HS6ST3: variants seen among roughly 807,000 people sequenced by gnomAD.
HS6ST3 encodes the protein heparan-sulfate 6-O-sulfotransferase 3.
A neutral mutation model predicts 36.7 loss-of-function variants in HS6ST3; 12 were observed. The ratio of observed to expected loss-of-function variants is 0.33; its 90% CI spans 0.21 to 0.53. HS6ST3 has a LOEUF of 0.53. Ranked by LOEUF, HS6ST3 falls within the 20% of genes least tolerant of loss-of-function variation. The pLI, the probability that HS6ST3 is intolerant of heterozygous loss-of-function variation, is 0.95. For missense variants in HS6ST3, 584 were observed against 640.9 expected, an observed-to-expected ratio of 0.91 and a Z score of 0.96; for synonymous variants, 240 against 257.5, an observed-to-expected ratio of 0.93 and a Z score of 0.65.
intron 1 of HS6ST3, among the ~76,000 whole-genome samples, chr13:96,647,635 A>T (rs779711498): frequency 6.6e-6 from 1 of 152,078 alleles, no homozygotes; most frequent in African/African-American, 2.4e-5. Context: ...TGTCATAATA[A>T]CTTTTTTGTT....
chr13:96,362,587 T>C (rs867726169), intron 1 of HS6ST3, among the ~76,000 whole-genome samples: 38 of 152,174 alleles, frequency 2.5e-4, no homozygotes, highest in Admixed American at 1.3e-3. Context: ...TGAATCTCAC[T>C]GGTGGAAGAG....
chr13:96,577,220 G>A (rs2056325330), intron 1 of HS6ST3, among the ~76,000 whole-genome samples: 1 of 152,026 alleles, frequency 6.6e-6, no homozygotes, highest in Non-Finnish European at 1.5e-5. Flanking sequence ...CTGTGTCCAT[G>A]TGTTCTCATT....
chr13:96,645,383 C>A (rs978047320), intron 1 of HS6ST3, among the ~76,000 whole-genome samples: 1 of 150,876 alleles, frequency 6.6e-6, no homozygotes, highest in African/African-American at 2.4e-5. Flanking sequence ...ACATTAAGGC[C>A]CAGAGAGTCT....
chr13:96,672,984 C>T (rs1474499035), intron 1 of HS6ST3, among the ~76,000 whole-genome samples: 1 of 152,068 alleles, frequency 6.6e-6, no homozygotes, highest in Admixed American at 6.6e-5. Context: ...GAGGCCAGAG[C>T]CTGAAATTAG....
intron 1 of HS6ST3, among the ~76,000 whole-genome samples, chr13:96,259,871 ATTTG>A (rs2054655526): frequency 6.6e-6 from 1 of 152,076 alleles, no homozygotes; most frequent in Non-Finnish European, 1.5e-5. Context: ...TTTCTTGTTT[ATTTG>A]TTCAAATTAT....
At chr13:96,340,639 C>G (rs568228130) in intron 1 of HS6ST3, among the ~76,000 whole-genome samples, 1 of 152,366 alleles carries the variant, frequency 6.6e-6, no homozygotes, top group South Asian at 2.1e-4. Flanking sequence ...GTTTCCCAAG[C>G]ATGCCACCAG....
At chr13:96,126,835 C>G (rs2053954432) in intron 1 of HS6ST3, among the ~76,000 whole-genome samples, 1 of 152,162 alleles carries the variant, frequency 6.6e-6, no homozygotes, top group Non-Finnish European at 1.5e-5. Context: ...CCTGGCTCAT[C>G]TGGGCCTCTA....
At chr13:96,287,315 A>G (rs1414919256) in intron 1 of HS6ST3, among the ~76,000 whole-genome samples, 1 of 152,178 alleles carries the variant, frequency 6.6e-6, no homozygotes, top group East Asian at 1.9e-4. Context: ...CTTAACCATA[A>G]AAATATATAG....
At chr13:96,438,845 C>A (rs1407312732) in intron 1 of HS6ST3, among the ~76,000 whole-genome samples, 1 of 152,052 alleles carries the variant, frequency 6.6e-6, no homozygotes, top group Non-Finnish European at 1.5e-5. Flanking sequence ...GTGGATGGAT[C>A]ACTTAAGGCC....
chr13:96,306,496 T>TCAC (rs1429459093), intron 1 of HS6ST3, among the ~76,000 whole-genome samples: 4 of 152,070 alleles, frequency 2.6e-5, no homozygotes, highest in Admixed American at 6.6e-5. Flanking sequence ...CAGGCGTGAG[T>TCAC]CACCGCACCC....
At chr13:96,657,767 G>A (rs369922379) in intron 1 of HS6ST3, among the ~76,000 whole-genome samples, 34 of 152,190 alleles carry the variant, frequency 2.2e-4, no homozygotes, top group African/African-American at 7.9e-4. Context: ...TGAAGGGAGA[G>A]GGGATGGAAG....
At chr13:96,245,378 G>T (rs1030168497) in intron 1 of HS6ST3, among the ~76,000 whole-genome samples, 8 of 152,164 alleles carry the variant, frequency 5.3e-5, no homozygotes, top group African/African-American at 1.4e-4. Context: ...GTCTTCAATG[G>T]ATGTAACTTA....
At chr13:96,175,769 T>C (rs1026187303) in intron 1 of HS6ST3, among the ~76,000 whole-genome samples, 1 of 152,116 alleles carries the variant, frequency 6.6e-6, no homozygotes, top group Non-Finnish European at 1.5e-5. Flanking sequence ...TTTATTCTTG[T>C]TTTATGGCTG....
At chr13:96,204,811 C>T (rs777640545) in intron 1 of HS6ST3, among the ~76,000 whole-genome samples, 2 of 152,090 alleles carry the variant, frequency 1.3e-5, no homozygotes, top group Non-Finnish European at 1.5e-5. Context: ...ACAGAGACAA[C>T]ATACCAGAAT....
intron 1 of HS6ST3, among the ~76,000 whole-genome samples, chr13:96,351,471 C>G (rs1055991117): frequency 5.3e-5 from 8 of 152,002 alleles, no homozygotes; most frequent in Non-Finnish European, 8.8e-5. Context: ...ACCACCACAT[C>G]TGGCAAATTT....
At chr13:96,703,972 C>T (rs970611764) in intron 1 of HS6ST3, among the ~76,000 whole-genome samples, 1 of 152,180 alleles carries the variant, frequency 6.6e-6, no homozygotes, top group African/African-American at 2.4e-5. Flanking sequence ...TCCCCTTTGC[C>T]TTCCACCATG....
At chr13:96,523,334 T>A (rs1369806585) in intron 1 of HS6ST3, among the ~76,000 whole-genome samples, 1 of 152,200 alleles carries the variant, frequency 6.6e-6, no homozygotes, top group Non-Finnish European at 1.5e-5. Context: ...ATCTGACAAT[T>A]ACGTGTCTTG....
At chr13:96,688,229 ATCATCATC>A (rs1566430072) in intron 1 of HS6ST3, among the ~76,000 whole-genome samples, 36 of 147,482 alleles carry the variant, frequency 2.4e-4, no homozygotes, top group South Asian at 2.4e-3. Flanking sequence ...AATAATAATC[ATCATCATC>A]ATAATAAAAA....
chr13:96,678,397 A>G (rs1195218676), intron 1 of HS6ST3, among the ~76,000 whole-genome samples: 2 of 152,136 alleles, frequency 1.3e-5, no homozygotes, highest in Non-Finnish European at 2.9e-5. Flanking sequence ...AATAAAGGCC[A>G]GGCTCAGTGG....
Sources: allele counts gnomAD v4.1 joint callset (sites outside exome capture counted in the v4.1 genomes callset), GRCh38; gene constraint gnomAD v4.1.1; transcripts MANE v1.5; gene names NCBI Gene and HGNC (gene_info 2026-07-23, HGNC 2026-07-21).